The following ENTREP3 variants were observed in gnomAD, a reference collection of about 807,000 sequenced individuals.
The protein encoded by ENTREP3 is protein ENTREP3.
the ENTREP3 span, chr1:155,248,193 G>C: frequency 6.2e-7 from 1 of 1,610,202 alleles, no homozygotes; most frequent in Middle Eastern, 1.7e-4. Flanking sequence ...GAGGGCAGGG[G>C]AACTTTTTGG....
At chr1:155,254,765 C>G in the ENTREP3 span, 1 of 1,614,006 alleles carries the variant, frequency 6.2e-7, no homozygotes, top group Middle Eastern at 1.7e-4. This position sits in a 1 kb window ranked among gnomAD's most constrained non-coding sequence, Gnocchi z 4.4. Context: ...TTGGACCAGC[C>G]CCAGCGTAAG....
chr1:155,254,909 G>T, the ENTREP3 span: 1 of 1,514,814 alleles, frequency 6.6e-7, no homozygotes, highest in Non-Finnish European at 8.9e-7. This position sits in a 1 kb window ranked among gnomAD's most constrained non-coding sequence, Gnocchi z 4.4. Context: ...GCCTCGCTCG[G>T]CCCTCCCTGG....
the ENTREP3 span, chr1:155,255,267 A>T: frequency 9.9e-6 from 3 of 304,128 alleles, no homozygotes; most frequent in South Asian, 3.8e-5. This position sits in a 1 kb window ranked among gnomAD's most constrained non-coding sequence, Gnocchi z 5.6. Flanking sequence ...AAGGATGGAA[A>T]TAAGTCTAGA....
chr1:155,249,906 A>T, the ENTREP3 span, among the ~76,000 whole-genome samples: 2 of 147,432 alleles, frequency 1.4e-5, no homozygotes, highest in Admixed American at 1.3e-4. Context: ...AAAAAAAAAA[A>T]TATTAGCCGG....
the ENTREP3 span, chr1:155,253,953 G>T: frequency 6.2e-7 from 1 of 1,613,016 alleles, no homozygotes; most frequent in South Asian, 1.1e-5. Context: ...GGGAACAGAG[G>T]GACAGCACAC....
At chr1:155,250,490 C>A in the ENTREP3 span, 1 of 1,491,394 alleles carries the variant, frequency 6.7e-7, no homozygotes, top group African/African-American at 1.4e-5. The surrounding 1 kb of genome is among the most constrained non-coding windows in gnomAD (Gnocchi z 5.4). Context: ...AGCAGGGTCC[C>A]ACCCAGGGCG....
At chr1:155,251,092 C>A in the ENTREP3 span, 1 of 1,611,982 alleles carries the variant, frequency 6.2e-7, no homozygotes, top group Non-Finnish European at 8.5e-7. Context: ...ACGCCCTGCT[C>A]ACCGTCTACA....
the ENTREP3 span, chr1:155,254,984 A>G: frequency 5.7e-6 from 5 of 878,766 alleles, no homozygotes; most frequent in African/African-American, 1.7e-5. This position sits in a 1 kb window ranked among gnomAD's most constrained non-coding sequence, Gnocchi z 4.4. Flanking sequence ...CACTCGCTCT[A>G]GAGCCCACCC....
chr1:155,250,525 TGCGGGCAGCTGTG>T, the ENTREP3 span: 1 of 1,528,446 alleles, frequency 6.5e-7, no homozygotes, highest in Non-Finnish European at 8.8e-7. This position sits in a 1 kb window ranked among gnomAD's most constrained non-coding sequence, Gnocchi z 5.4. Context: ...CGGTGGCAGC[TGCGGGCAGCTGTG>T]GGGGCACCCA....
the ENTREP3 span, chr1:155,250,703 G>A: frequency 6.2e-7 from 1 of 1,612,944 alleles, no homozygotes; most frequent in Non-Finnish European, 8.5e-7. The surrounding 1 kb of genome is among the most constrained non-coding windows in gnomAD (Gnocchi z 5.4). Context: ...GAAAGAGAAC[G>A]TAGTCCACGG....
the ENTREP3 span, chr1:155,253,787 T>A: frequency 6.8e-6 from 11 of 1,609,424 alleles, no homozygotes; most frequent in Non-Finnish European, 9.3e-6. Context: ...CCACACATTA[T>A]GGGCCTGTGA....
the ENTREP3 span, chr1:155,251,533 T>G: frequency 1.2e-6 from 2 of 1,613,814 alleles, no homozygotes; most frequent in Non-Finnish European, 1.7e-6. Context: ...CATGACTGCC[T>G]CATAAGAAGG....
At chr1:155,255,216 C>A in the ENTREP3 span, 1 of 329,602 alleles carries the variant, frequency 3.0e-6, no homozygotes, top group Non-Finnish European at 5.7e-6. This position sits in a 1 kb window ranked among gnomAD's most constrained non-coding sequence, Gnocchi z 5.6. Context: ...GAGGGGGCGG[C>A]GGCCTGGAGC....
At chr1:155,251,274 G>A in the ENTREP3 span, 1 of 925,198 alleles carries the variant, frequency 1.1e-6, no homozygotes. Context: ...CTTTGTACAA[G>A]TCACTTAATT....
chr1:155,247,663 T>C, the ENTREP3 span: 1 of 969,646 alleles, frequency 1.0e-6, no homozygotes. Context: ...AGGGACACTT[T>C]GGGGGGTATA....
the ENTREP3 span, chr1:155,251,398 A>C: frequency 1.2e-6 from 1 of 847,246 alleles, no homozygotes; most frequent in Non-Finnish European, 1.9e-6. Flanking sequence ...TGCTGTAAAG[A>C]CCTTGACCAC....
chr1:155,253,742 G>C, the ENTREP3 span: 8 of 1,608,670 alleles, frequency 5.0e-6, no homozygotes, highest in Non-Finnish European at 6.8e-6. Context: ...TCTGGGGAAG[G>C]GAAAGGAGGA....
At chr1:155,251,252 C>T in the ENTREP3 span, 10 of 1,059,886 alleles carry the variant, frequency 9.4e-6, no homozygotes, top group Non-Finnish European at 1.2e-5. Flanking sequence ...AGATTCCAGA[C>T]CAGCCTTGTC....
the ENTREP3 span, chr1:155,253,460 TC>T: frequency 1.7e-6 from 1 of 599,722 alleles, no homozygotes; most frequent in Admixed American, 3.3e-5. Context: ...CTTCTCATCC[TC>T]CCCACTAAAC....
Sources: gnomAD v4.1 joint callset for allele counts (sites outside exome capture counted in the v4.1 genomes callset) on GRCh38, gnomAD v4.1.1 for gene constraint, Gnocchi (gnomAD v3.1) non-coding constraint, MANE v1.5 for transcripts, NCBI Gene and HGNC (gene_info 2026-07-23, HGNC 2026-07-21) for gene names.